DVL1: variants seen among roughly 807,000 people sequenced by gnomAD.
DVL1 encodes the protein segment polarity protein dishevelled homolog DVL-1.
DVL1 carries 49 observed loss-of-function variants against 65.0 expected under a neutral mutation model. The observed-to-expected ratio is 0.75, with a 90% CI of 0.60 to 0.96. DVL1 has a LOEUF of 0.96. Among genes scored for constraint, DVL1 ranks in the 40% least tolerant of loss-of-function variants. The probability of loss-of-function intolerance (pLI) is 0.00; values close to 1 mark genes in which losing one functional copy is unlikely to be tolerated. For synonymous variants in DVL1, 608 were observed against 433.9 expected, an observed-to-expected ratio of 1.40 and a Z score of -4.99; for missense variants, 1,197 against 1,045.4, an observed-to-expected ratio of 1.15 and a Z score of -2.00.
At position 1,342,422 on chromosome 1, in the gene DVL1, G is replaced by C; in HGVS notation, c.303C>G (p.Asp101Glu). ...AGSQGTDSHT[D>E]LPPPLERTGG... ...CTGTCCGCTCAAGAGGCGGGGGCAGGTCTGTGTGGCTGTCCGTGCCCTGGG... is the reference window on the plus strand; with the variant it reads ...CTGTCCGCTCAAGAGGCGGGGGCAGCTCTGTGTGGCTGTCCGTGCCCTGGG... Residue 101 changes from aspartate (D) to glutamate (E), a missense_variant, in exon 3 of 15, where the codon GAC (aspartate) becomes GAG (glutamate). Physicochemically the swap from Asp to Glu is conservative, Grantham distance 45. Coordinates refer to ENST00000378888, the MANE Select transcript of DVL1 (RefSeq NM_001330311.2). The C allele has an allele frequency of 6.3e-7, 1 of 1,595,966 alleles. No individual in the cohort carries two copies. Among genetic ancestry groups the C allele is most frequent in the Non-Finnish European group, 8.5e-7 (1 of 1,171,458 alleles).
In DVL1 at chr1:1,338,800, G is replaced by A. The variant is rs1005003009; in HGVS notation, c.1208-147C>T. 4.9e-5 allele frequency: 64 copies of A among 1,302,350 alleles called. No homozygotes were observed. The East Asian group carries it at 1.2e-3, about 24-fold the overall frequency. The allele number at this position is 1,302,350 out of a possible 1,614,324, so 80.7% of individuals were successfully genotyped here. A position where few individuals can be genotyped will look rare whatever the true frequency, so the allele number is the denominator to read the frequency against. On this transcript the variant is annotated intron_variant, in intron 11 of 14. Coordinates refer to ENST00000378888, the MANE Select transcript of DVL1 (RefSeq NM_001330311.2). ...GACAGCAGGGCCCCGGCCCACTGCA[G>A]GATGCACCCCCGTGAGGCTGGGGCG...
chr1:1,340,467 T>C lies in DVL1; in HGVS notation c.642A>G (p.Arg214=), dbSNP rs1643758162. The C allele has an allele frequency of 6.2e-7, 1 of 1,611,012 alleles. No homozygotes were observed. Among genetic ancestry groups the C allele is most frequent in the Non-Finnish European group, 8.5e-7 (1 of 1,178,962 alleles). ...GCCGGCGTTTGTGCTTCCGGATGAG[T>C]CTGGATGAGGTGCTCTGCTCCGTGG... ...SSSTEQSTSS[R]LIRKHKRRRR... is the part of the protein sequence containing the mutation. Residue 214 remains arginine (R), a synonymous_variant, in exon 6 of 15, where the codon AGA becomes AGG. Coordinates refer to ENST00000378888, the MANE Select transcript of DVL1 (RefSeq NM_001330311.2).
intron 5 of DVL1, among the ~76,000 whole-genome samples, chr1:1,340,707 GCA>G (rs1202521867): frequency 6.6e-6 from 1 of 152,132 alleles, no homozygotes; most frequent in Admixed American, 6.5e-5. Context: ...GGCAAACTGG[GCA>G]CAGACACATG....
chr1:1,340,982 A>C (rs1372187921), intron 5 of DVL1, among the ~76,000 whole-genome samples: 3 of 132,176 alleles, frequency 2.3e-5, no homozygotes, highest in Non-Finnish European at 4.7e-5. Context: ...ACAGGCACAC[A>C]TGCACACCTG....
chr1:1,339,812 C>T lies in DVL1; in HGVS notation c.910G>A (p.Val304Met). ...RIEPGDMLLQ[V>M]NDVNFENMSN... ...ATGTTCTCAAAGTTCACGTCATTCACCTGCAGGGGTGGGGATTAGGGTGGT... is the reference window on the plus strand; with the variant it reads ...ATGTTCTCAAAGTTCACGTCATTCATCTGCAGGGGTGGGGATTAGGGTGGT... Residue 304 changes from valine to methionine, a missense_variant and splice_region_variant, in exon 9 of 15, where the codon GTG becomes ATG. Coordinates refer to ENST00000378888, the MANE Select transcript of DVL1 (RefSeq NM_001330311.2). 2 of 1,609,082 alleles carry T rather than the reference C, an allele frequency of 1.2e-6. No individual in the cohort carries two copies. Among genetic ancestry groups the T allele is most frequent in the Non-Finnish European group, 1.7e-6 (2 of 1,179,864 alleles).
chr1:1,338,192 G>A lies in DVL1; in HGVS notation c.1508-9C>T, dbSNP rs1323577054. The A allele has an allele frequency of 2.5e-6, 4 of 1,600,292 alleles. No homozygotes were observed. Among genetic ancestry groups the A allele is most frequent in the East Asian group, 2.2e-5 (1 of 44,682 alleles). Reference sequence around the variant, plus strand: ...GTTCAGGGTGGCGAGATCTGGCGGGGGAGGGTAGGTGAGGGCCGCGGAGGG... The same window carrying A: ...GTTCAGGGTGGCGAGATCTGGCGGGAGAGGGTAGGTGAGGGCCGCGGAGGG... On this transcript the variant is annotated splice_polypyrimidine_tract_variant and intron_variant, in intron 13 of 14. Transcript: ENST00000378888.
chr1:1,338,387 C>G lies in DVL1; in HGVS notation c.1389G>C (p.Glu463Asp). 1 of 1,612,696 alleles carries G rather than the reference C, an allele frequency of 6.2e-7. No homozygotes were observed. Among genetic ancestry groups the G allele is most frequent in the Non-Finnish European group, 8.5e-7 (1 of 1,179,870 alleles). Reference protein sequence around the residue: ...WLYTHVEGFKERREARKYASS... With the variant: ...WLYTHVEGFKDRREARKYASS... ...TGGCGTACTTCCGGGCCTCCCGCCGCTCCTTGAAGCCCTCCACGTGTGTGT... is the reference window on the plus strand; with the variant it reads ...TGGCGTACTTCCGGGCCTCCCGCCGGTCCTTGAAGCCCTCCACGTGTGTGT... The change falls in exon 13 of 15, where the codon GAG becomes GAC. Residue 463 changes from glutamate to aspartate, a missense_variant. Transcript: ENST00000378888.
In DVL1 at chr1:1,338,503, C is replaced by A; in HGVS notation, c.1339+19G>T. ...AGCCCTGCCCCTGGCACTATCCGCC[C>A]GCGGGGACGGCCACTCACCGATGAC... On this transcript the variant is annotated intron_variant, in intron 12 of 14. Coordinates refer to ENST00000378888, the MANE Select transcript of DVL1 (RefSeq NM_001330311.2). 6.2e-7 allele frequency: 1 copy of A among 1,611,780 alleles called. No individual in the cohort carries two copies. The highest frequency in any genetic ancestry group is 8.5e-7 in the Non-Finnish European group (1 of 1,179,316).
chr1:1,343,186 C>T (rs1250739935), intron 1 of DVL1, among the ~76,000 whole-genome samples: 2 of 152,100 alleles, frequency 1.3e-5, no homozygotes, highest in South Asian at 2.1e-4. Flanking sequence ...CAGCTGCCCT[C>T]GGTTCATGTA....
chr1:1,345,975 C>T (rs1282183494), intron 1 of DVL1, among the ~76,000 whole-genome samples: 3 of 152,192 alleles, frequency 2.0e-5, no homozygotes, highest in African/African-American at 4.8e-5. Flanking sequence ...CTGTGCCCCT[C>T]CCCCGGTTCA....
intron 1 of DVL1, among the ~76,000 whole-genome samples, chr1:1,344,176 GC>G (rs1643885597): frequency 6.6e-6 from 1 of 152,138 alleles, no homozygotes; most frequent in Non-Finnish European, 1.5e-5. Context: ...TCTGGACGCC[GC>G]CTCGTGGCAC....
chr1:1,344,654 C>T (rs1035107532), intron 1 of DVL1, among the ~76,000 whole-genome samples: 3 of 152,182 alleles, frequency 2.0e-5, no homozygotes, highest in Non-Finnish European at 4.4e-5. Context: ...ACGTCTGCTG[C>T]CCCCACACAG....
Position 1,343,266 on chromosome 1 carries a change from C to G in DVL1, c.171-508G>C, listed in dbSNP as rs868263545. Among the ~76,000 whole-genome samples, 214 of 152,110 alleles carry G rather than the reference C, an allele frequency of 1.4e-3. 1 individual carries two copies. The highest frequency in any genetic ancestry group is 4.6e-3 in the African/African-American group (189 of 41,502). On this transcript the variant is annotated intron_variant, in intron 1 of 14. Coordinates refer to ENST00000378888, the MANE Select transcript of DVL1 (RefSeq NM_001330311.2). Reference sequence around the variant, plus strand: ...GTTCCTGGGGCTTGGAGCCCCCCCCCCCCAGGGCTTCCCCCACACTGGGAC... The same window carrying G: ...GTTCCTGGGGCTTGGAGCCCCCCCCGCCCAGGGCTTCCCCCACACTGGGAC...
intron 2 of DVL1, 80 bp downstream of exon 2, chr1:1,342,609 A>C: frequency 1.3e-6 from 2 of 1,585,424 alleles, no homozygotes; most frequent in Non-Finnish European, 1.7e-6. Context: ...GCCTCCCCAC[A>C]CCCACCGCCT....
chr1:1,337,186 C>A, intron 14 of DVL1: 1 of 728,036 alleles, frequency 1.4e-6, no homozygotes, highest in Non-Finnish European at 1.7e-6. Context: ...AAGCGCCGGT[C>A]GAGGGTCAGT....
rs1180687868 is a variant in DVL1, at chr1:1,342,669, G to T, written c.240+20C>A. On this transcript the variant is annotated intron_variant, in intron 2 of 14. Coordinates refer to ENST00000378888, the MANE Select transcript of DVL1 (RefSeq NM_001330311.2). ...AATGCTCCCCAGGCGAGCCTTCGGG[G>T]CCAAGACACAGGGGCTCACCCAGGA... 1 of 1,611,976 alleles carries T rather than the reference G, an allele frequency of 6.2e-7. No individual in the cohort carries two copies. The highest frequency in any genetic ancestry group is 8.5e-7 in the Non-Finnish European group (1 of 1,179,334).
chr1:1,348,280 G>T (rs865939503), intron 1 of DVL1, among the ~76,000 whole-genome samples: 1 of 152,192 alleles, frequency 6.6e-6, no homozygotes. Flanking sequence ...AACAGCAGAT[G>T]GTCTGGGCTG....
At chr1:1,341,250 C>T (rs530945455) in intron 5 of DVL1, among the ~76,000 whole-genome samples, 14 of 152,174 alleles carry the variant, frequency 9.2e-5, no homozygotes, top group Non-Finnish European at 1.9e-4. Context: ...CACACGCGTG[C>T]ATTGTGAAAA....
intron 1 of DVL1, among the ~76,000 whole-genome samples, chr1:1,347,300 A>G (rs1557674914): frequency 6.6e-6 from 1 of 152,014 alleles, no homozygotes; most frequent in Non-Finnish European, 1.5e-5. Flanking sequence ...TCCTGGCCGC[A>G]TCCCCAAGCC....
Sources: allele counts gnomAD v4.1 joint callset (sites outside exome capture counted in the v4.1 genomes callset), GRCh38; gene constraint gnomAD v4.1.1; transcripts MANE v1.5; gene names NCBI Gene and HGNC (gene_info 2026-07-23, HGNC 2026-07-21).